Variants in CEP63 observed in about 807,000 individuals in gnomAD.
CEP63 encodes the protein centrosomal protein 63.
A neutral mutation model predicts 89.1 loss-of-function variants in CEP63; 84 were observed. That is an observed-to-expected ratio of 0.94 (90% CI 0.79 to 1.13). The LOEUF (loss-of-function observed/expected upper bound fraction) is 1.13. Among genes scored for constraint, CEP63 ranks in the 50% most tolerant of loss-of-function variants. The pLI is 0.00. For missense variants in CEP63, 838 were observed against 813.3 expected (o/e 1.03, Z -0.37); for synonymous variants, 267 against 272.5 (o/e 0.98, Z 0.20).
chr3:134,728,946 G>A, the CEP63 span, among the ~76,000 whole-genome samples: 1 of 151,964 alleles, frequency 6.6e-6, no homozygotes, highest in East Asian at 1.9e-4. Flanking sequence ...TTTAATGAAT[G>A]CTTATTATAT....
chr3:134,508,650 G>T (rs1191100096), intron 3 of CEP63, among the ~76,000 whole-genome samples: 2 of 152,106 alleles, frequency 1.3e-5, no homozygotes, highest in Non-Finnish European at 2.9e-5. Flanking sequence ...TATTCCTGTG[G>T]CTTAGTTTTG....
chr3:134,747,041 T>A, the CEP63 span, among the ~76,000 whole-genome samples: 1 of 152,180 alleles, frequency 6.6e-6, no homozygotes, highest in Non-Finnish European at 1.5e-5. Flanking sequence ...TCTTCTAGGG[T>A]TTTTATGGTT....
At chr3:134,546,511 A>AC (rs1953356748) in intron 8 of CEP63, among the ~76,000 whole-genome samples, 2 of 152,028 alleles carry the variant, frequency 1.3e-5, no homozygotes, top group Non-Finnish European at 2.9e-5. Flanking sequence ...GGTGCATGCT[A>AC]CCACACCTGG....
At chr3:134,705,251 A>G in the CEP63 span, among the ~76,000 whole-genome samples, 1 of 152,170 alleles carries the variant, frequency 6.6e-6, no homozygotes, top group African/African-American at 2.4e-5. Context: ...CTCAGCTTCT[A>G]GGGAGGGTTT....
At chr3:134,495,467 C>A in intron 2 of CEP63, 103 bp downstream of exon 2, 1 of 776,064 alleles carries the variant, frequency 1.3e-6, no homozygotes, top group Non-Finnish European at 2.3e-6. Flanking sequence ...GTGTAATGAT[C>A]AAATAAGGGT....
At chr3:134,604,880 C>T in the CEP63 span, among the ~76,000 whole-genome samples, 6 of 152,316 alleles carry the variant, frequency 3.9e-5, no homozygotes, top group African/African-American at 1.4e-4. Flanking sequence ...TAGCTTGCAC[C>T]TTGCTCCCTG....
the CEP63 span, among the ~76,000 whole-genome samples, chr3:134,720,882 C>T: frequency 0.036 from 5,429 of 152,180 alleles, 329 homozygotes; most frequent in African/African-American, 0.12. Context: ...TACTGTACAT[C>T]GTAGTAACTA....
At chr3:134,739,896 G>A in the CEP63 span, among the ~76,000 whole-genome samples, 1 of 152,144 alleles carries the variant, frequency 6.6e-6, no homozygotes, top group African/African-American at 2.4e-5. Context: ...TCAAGTGTTA[G>A]ACAATGCCCA....
At chr3:134,740,497 C>G in the CEP63 span, among the ~76,000 whole-genome samples, 4 of 152,012 alleles carry the variant, frequency 2.6e-5, no homozygotes, top group Admixed American at 6.5e-5. Context: ...TGGGGGTTCA[C>G]CGTGTTAGCC....
At chr3:134,640,799 AC>A in the CEP63 span, among the ~76,000 whole-genome samples, 100 of 152,064 alleles carry the variant, frequency 6.6e-4, 1 homozygote, top group African/African-American at 2.2e-3. Flanking sequence ...TCTCTTGTAT[AC>A]CCCAAATCCA....
At chr3:134,641,262 C>A in the CEP63 span, 1 of 152,176 alleles carries the variant, frequency 6.6e-6, no homozygotes, top group Non-Finnish European at 1.5e-5. Context: ...GATATCCATG[C>A]CAGAATCCCT....
downstream of CEP63, among the ~76,000 whole-genome samples, chr3:134,568,662 C>T (rs900446031): frequency 3.9e-5 from 6 of 152,220 alleles, no homozygotes; most frequent in South Asian, 2.1e-4. Context: ...GGCTTGTAGA[C>T]TAAGAAGGCA....
intron 6 of CEP63, among the ~76,000 whole-genome samples, chr3:134,540,344 T>C (rs1559983483): frequency 6.6e-6 from 1 of 152,226 alleles, no homozygotes; most frequent in African/African-American, 2.4e-5. Flanking sequence ...GTAGAACATT[T>C]AGTTTTTTAC....
intron 6 of CEP63, among the ~76,000 whole-genome samples, chr3:134,543,878 A>G (rs1408766616): frequency 1.4e-4 from 21 of 151,924 alleles, no homozygotes. Flanking sequence ...AAGTTTGGAG[A>G]CAGTTCCATG....
chr3:134,766,207 C>T, the CEP63 span, among the ~76,000 whole-genome samples: 1 of 152,168 alleles, frequency 6.6e-6, no homozygotes, highest in Non-Finnish European at 1.5e-5. Context: ...TAGGATCTAC[C>T]TCTCCCCGCA....
At chr3:134,730,443 C>T in the CEP63 span, among the ~76,000 whole-genome samples, 1 of 151,912 alleles carries the variant, frequency 6.6e-6, no homozygotes, top group East Asian at 1.9e-4. Context: ...ATTTGTTCAT[C>T]TATATATTAA....
intron 9 of CEP63, among the ~76,000 whole-genome samples, chr3:134,548,508 C>G (rs569959370): frequency 6.6e-6 from 1 of 152,190 alleles, no homozygotes; most frequent in Non-Finnish European, 1.5e-5. Flanking sequence ...AGTGTGATAT[C>G]TTGTTTTAAA....
chr3:134,653,151 A>C, the CEP63 span, among the ~76,000 whole-genome samples: 1 of 152,206 alleles, frequency 6.6e-6, no homozygotes, highest in Non-Finnish European at 1.5e-5. Context: ...AGGGCCTCTC[A>C]TCCTTGGCGC....
chr3:134,682,651 G>A, the CEP63 span, among the ~76,000 whole-genome samples: 1 of 152,178 alleles, frequency 6.6e-6, no homozygotes, highest in Non-Finnish European at 1.5e-5. Context: ...CAACCATTCA[G>A]CCTGCATTGA....
Sources: allele counts gnomAD v4.1 joint callset (sites outside exome capture counted in the v4.1 genomes callset), GRCh38; gene constraint gnomAD v4.1.1; transcripts MANE v1.5; gene names NCBI Gene and HGNC (gene_info 2026-07-23, HGNC 2026-07-21).